The following RAB1A variants were observed in gnomAD, a reference collection of about 807,000 sequenced individuals.
RAB1A encodes the protein ras-related protein Rab-1A.
RAB1A carries 2 observed loss-of-function variants against 26.0 expected under a neutral mutation model. The ratio of observed to expected loss-of-function variants is 0.08; its 90% CI spans 0.03 to 0.24. The LOEUF (loss-of-function observed/expected upper bound fraction) is 0.24. Among genes scored for constraint, RAB1A ranks in the 10% least tolerant of loss-of-function variants. RAB1A has a pLI of 1.00. For missense variants in RAB1A, 100 were observed against 247.0 expected (o/e 0.40, Z 3.99); for synonymous variants, 84 against 84.9 (o/e 0.99, Z 0.06).
chr2:65,128,164 G>C (rs1436790166), intron 1 of RAB1A, among the ~76,000 whole-genome samples: 1 of 151,938 alleles, frequency 6.6e-6, no homozygotes, highest in Non-Finnish European at 1.5e-5. Context: ...ATATACATTT[G>C]AATTTCACCA....
chr2:65,111,532 A>G (rs1020939476), intron 1 of RAB1A, among the ~76,000 whole-genome samples: 2 of 152,220 alleles, frequency 1.3e-5, no homozygotes, highest in Non-Finnish European at 2.9e-5. Context: ...ACTAAATACA[A>G]TATGGTATAC....
intron 1 of RAB1A, among the ~76,000 whole-genome samples, chr2:65,124,122 G>C (rs1314566740): frequency 6.6e-6 from 1 of 151,910 alleles, no homozygotes; most frequent in African/African-American, 2.4e-5. Context: ...CAGTAGCTTG[G>C]GACTACAAGC....
chr2:65,129,982 G>A lies in RAB1A; in HGVS notation c.-67C>T. 6.6e-7 allele frequency: 1 copy of A among 1,519,778 alleles called. No individual in the cohort carries two copies. The highest frequency in any genetic ancestry group is 1.2e-5 in the South Asian group (1 of 83,780). 94.1% of individuals were successfully genotyped at this position (1,519,778 alleles called of 1,614,324 possible). A position where few individuals can be genotyped will look rare whatever the true frequency, so the allele number is the denominator to read the frequency against. On this transcript the variant is annotated 5_prime_UTR_variant, in exon 1 of 6. Coordinates refer to ENST00000409784, the MANE Select transcript of RAB1A (RefSeq NM_004161.5). ...CGCAGCCGCCGCCCTGACTCTCCGC[G>A]CCACGGGTAATCGAAAGAAAGGAAT... is the stretch of plus-strand genomic sequence containing the variant.
chr2:65,092,274 GAAA>G (rs1042989615), intron 3 of RAB1A, among the ~76,000 whole-genome samples: 1 of 130,354 alleles, frequency 7.7e-6, no homozygotes, highest in African/African-American at 2.8e-5. Flanking sequence ...CAAAAAAAGA[GAAA>G]AAAAAAAAAA....
chr2:65,114,649 C>T (rs575015395), intron 1 of RAB1A, among the ~76,000 whole-genome samples: 2,730 of 152,140 alleles, frequency 0.018, 89 homozygotes, highest in African/African-American at 0.062. Flanking sequence ...CGAGACCATC[C>T]TGGCTAACAA....
In RAB1A at chr2:65,129,993, T is replaced by A. The variant is rs925548502; in HGVS notation, c.-78A>T. On this transcript the variant is annotated 5_prime_UTR_variant, in exon 1 of 6. Transcript: ENST00000409784. ...CCCTGACTCTCCGCGCCACGGGTAA[T>A]CGAAAGAAAGGAATGAGATAGGCTG... 4.6e-5 allele frequency: 69 copies of A among 1,493,074 alleles called. No individual in the cohort carries two copies. In the Middle Eastern group the frequency reaches 6.8e-4, roughly 15 times the overall value. The allele number at this position is 1,493,074 out of a possible 1,614,324, so 92.5% of individuals were successfully genotyped here. A position where few individuals can be genotyped will look rare whatever the true frequency, so the allele number is the denominator to read the frequency against.
chr2:65,104,085 A>G (rs964977027), intron 2 of RAB1A, among the ~76,000 whole-genome samples: 3 of 152,150 alleles, frequency 2.0e-5, no homozygotes, highest in African/African-American at 7.2e-5. Context: ...GCCAGGAAAC[A>G]TGCTAAATTT....
At chr2:65,121,047 G>C (rs546180029) in intron 1 of RAB1A, among the ~76,000 whole-genome samples, 37 of 152,036 alleles carry the variant, frequency 2.4e-4, no homozygotes, top group African/African-American at 8.9e-4. Flanking sequence ...CTTGAGCCCA[G>C]GTGTTCGAGA....
In RAB1A at chr2:65,086,926, T is replaced by C. The variant is rs181533930; in HGVS notation, c.*1567A>G. ...ATTGAATATTCTGTCCATTTCATTT[T>C]ACAATTATCTTACCACTTATTTTTG... On this transcript the variant is annotated 3_prime_UTR_variant, in exon 6 of 6. Transcript: ENST00000409784. 6.5e-6 allele frequency: 1 copy of C among 152,790 alleles called. No individual in the cohort carries two copies. The highest frequency in any genetic ancestry group is 1.9e-4 in the East Asian group (1 of 5,190). 9.5% of individuals were successfully genotyped at this position (152,790 alleles called of 1,614,324 possible).
rs779225537 is a variant in RAB1A at position 65,088,564 on chromosome 2, C to A, written c.547G>T (p.Gly183Cys). The change falls in exon 6 of 6, where the codon GGT becomes TGT. Residue 183 changes from glycine (G) to cysteine (C), a missense_variant. Gly to Cys is a radical substitution (Grantham distance 159). Around this residue, in one of 2 missense-constraint regions of RAB1A, gnomAD observed 67 missense variants for 122.9 expected, o/e 0.55. Transcript: ENST00000409784. ...KKRMGPGATA[G>C]GAEKSNVKIQ... ...TTAACATTGGACTTCTCAGCACCAC[C>A]AGCTGTTGCTCCGGGACCCATTCGC... 6.2e-7 allele frequency: 1 copy of A among 1,613,712 alleles called. No individual in the cohort carries two copies.
In RAB1A at chr2:65,119,053, C is replaced by T. The variant is rs1558586719; in HGVS notation, c.23+10840G>A. On this transcript the variant is annotated intron_variant, in intron 1 of 5. Coordinates refer to ENST00000409784, the MANE Select transcript of RAB1A (RefSeq NM_004161.5). ...AAAAAGAGAAAAAAGAAAAAAAATA[C>T]AAAAACTGCCAGGCATGGGTGTGTG... 2.6e-5 allele frequency among the ~76,000 whole-genome samples: 4 copies of T among 151,716 alleles called. No individual in the cohort carries two copies. The South Asian group carries it at 8.3e-4, about 32-fold the overall frequency.
intron 4 of RAB1A, among the ~76,000 whole-genome samples, chr2:65,089,702 A>ATTT (rs58993413): frequency 7.0e-6 from 1 of 141,950 alleles, no homozygotes; most frequent in African/African-American, 2.7e-5. Context: ...AATTTGATTA[A>ATTT]TTTTTTTTTT....
intron 4 of RAB1A, 139 bp from the exon 5 acceptor site, chr2:65,089,209 G>C: frequency 1.2e-6 from 1 of 830,010 alleles, no homozygotes; most frequent in Non-Finnish European, 1.8e-6. Context: ...CACTGCTAAG[G>C]AGTGAAGAGA....
chr2:65,116,045 A>C (rs1445557717), intron 1 of RAB1A, among the ~76,000 whole-genome samples: 1 of 152,180 alleles, frequency 6.6e-6, no homozygotes, highest in Non-Finnish European at 1.5e-5. Flanking sequence ...AGTCCCAGCT[A>C]CTAAGGAGGC....
intron 1 of RAB1A, among the ~76,000 whole-genome samples, chr2:65,106,914 A>G (rs1469283992): frequency 2.0e-5 from 3 of 151,854 alleles, no homozygotes; most frequent in East Asian, 3.9e-4. Flanking sequence ...CTGTTGCTCA[A>G]GCTAATTTTT....
intron 3 of RAB1A, 45 bp downstream of exon 3, chr2:65,097,926 T>G (rs1669329289): frequency 3.5e-6 from 4 of 1,145,216 alleles, no homozygotes; most frequent in Non-Finnish European, 5.0e-6. Flanking sequence ...ACATTACAAA[T>G]TTACCAAAAT....
At position 65,088,063 on chromosome 2, in the gene RAB1A, T is replaced by C. The variant is rs1257276206; in HGVS notation, c.*430A>G. On this transcript the variant is annotated 3_prime_UTR_variant, in exon 6 of 6. Transcript: ENST00000409784. Reference sequence around the variant, plus strand: ...GAACTAGCAAATCAGATCTTACATATAACATCTCACTAAACTTTATGCATG... The same window carrying C: ...GAACTAGCAAATCAGATCTTACATACAACATCTCACTAAACTTTATGCATG... 4 of 156,858 alleles carry C rather than the reference T, an allele frequency of 2.6e-5. No homozygotes were observed. Among genetic ancestry groups the C allele is most frequent in the Non-Finnish European group, 5.6e-5 (4 of 71,110 alleles). 9.7% of individuals were successfully genotyped at this position (156,858 alleles called of 1,614,324 possible).
intron 2 of RAB1A, among the ~76,000 whole-genome samples, chr2:65,101,949 A>G (rs901083095): frequency 7.2e-5 from 11 of 151,868 alleles, no homozygotes; most frequent in Non-Finnish European, 1.3e-4. Context: ...GGGTTTCTCC[A>G]TGTTGGTCAG....
rs761481802 is a variant in RAB1A, at chr2:65,104,788, T to C, written c.42A>G (p.Leu14=). 7.8e-5 allele frequency: 125 copies of C among 1,608,714 alleles called. No individual in the cohort carries two copies. The highest frequency in any genetic ancestry group is 9.9e-5 in the Non-Finnish European group (116 of 1,176,210). The stretch of plus-strand genomic sequence containing the variant: ...CAACCCCTGAGTCGCCAATCAGAAG[T>C]AACTTGAATAAATAATCACTGCAAA... ...MNPEYDYLFK[L]LLIGDSGVGK... The change falls in exon 2 of 6, where the codon TTA becomes TTG. Residue 14 remains leucine (L), a synonymous_variant. Transcript: ENST00000409784.
Sources: gnomAD v4.1 joint callset for allele counts (sites outside exome capture counted in the v4.1 genomes callset) on GRCh38, gnomAD v4.1.1 for gene constraint, gnomAD v4.1.1 regional missense constraint, MANE v1.5 for transcripts, NCBI Gene and HGNC (gene_info 2026-07-23, HGNC 2026-07-21) for gene names.